C2CD3: variants seen among roughly 807,000 people sequenced by gnomAD.
The protein encoded by C2CD3 is C2 domain-containing protein 3.
In C2CD3, 148 loss-of-function variants were observed where a neutral mutation model predicts 234.0. That is an observed-to-expected ratio of 0.63 (90% CI 0.55 to 0.72). The LOEUF (loss-of-function observed/expected upper bound fraction) is 0.72. C2CD3 is among the 30% of genes least tolerant of loss of function. The pLI, the probability that C2CD3 is intolerant of heterozygous loss-of-function variation, is 0.00. For synonymous variants in C2CD3, 1,000 were observed against 1,035.4 expected (o/e 0.97, Z 0.66); for missense variants, 2,577 against 2,811.5 (o/e 0.92, Z 1.89).
At chr11:74,118,530 T>C in intron 8 of C2CD3, 148 bp from the exon 9 acceptor site, 1 of 560,056 alleles carries the variant, frequency 1.8e-6, no homozygotes, top group Non-Finnish European at 3.1e-6. Flanking sequence ...AATCCCATAT[T>C]TCTCCTGGTT....
chr11:74,035,704 T>G (rs932554842), intron 30 of C2CD3, among the ~76,000 whole-genome samples: 2 of 151,596 alleles, frequency 1.3e-5, no homozygotes, highest in Admixed American at 1.3e-4. Context: ...GGGCAGGCTT[T>G]TGCTGTTTTT....
chr11:74,026,768 G>A (rs1439315698), intron 32 of C2CD3, among the ~76,000 whole-genome samples: 1 of 151,976 alleles, frequency 6.6e-6, no homozygotes, highest in Non-Finnish European at 1.5e-5. Flanking sequence ...AAGAGATTGA[G>A]ACCATCCTGG....
At chr11:74,035,030 A>G (rs1255015118) in intron 30 of C2CD3, among the ~76,000 whole-genome samples, 1 of 152,252 alleles carries the variant, frequency 6.6e-6, no homozygotes, top group Non-Finnish European at 1.5e-5. Flanking sequence ...GAGTGAATCA[A>G]TTAATAAATA....
At position 74,034,183 on chromosome 11, in the gene C2CD3, C is replaced by A. The variant is rs537893955; in HGVS notation, c.5977G>T (p.Asp1993Tyr). 2 of 1,536,228 alleles carry A rather than the reference C, an allele frequency of 1.3e-6. No individual in the cohort carries two copies. Among genetic ancestry groups the A allele is most frequent in the Non-Finnish European group, 1.7e-6 (2 of 1,146,918 alleles). The change falls in exon 31 of 33, where the codon GAC (aspartate) becomes TAC (tyrosine). Residue 1993 changes from aspartate (D) to tyrosine (Y), a missense_variant. By Grantham distance (160) the Asp-to-Tyr change is radical. Transcript: ENST00000334126. ...CATCGTTCTTGCAGTGCTTCTGTGT[C>A]CTGAGCATCTGGGAGGGTGGTGGCC... ...NKATTLPDAQDTEALQERCTM... is the reference protein window; with the variant it reads ...NKATTLPDAQYTEALQERCTM...
intron 2 of C2CD3, chr11:74,164,314 C>A: frequency 1.2e-6 from 1 of 859,248 alleles, no homozygotes; most frequent in Non-Finnish European, 1.4e-6. Flanking sequence ...CTAGTAGTTC[C>A]ATGCTCCAAA....
intron 32 of C2CD3, among the ~76,000 whole-genome samples, chr11:74,023,545 T>C (rs1310107159): frequency 1.3e-5 from 2 of 152,216 alleles, no homozygotes; most frequent in East Asian, 3.8e-4. Flanking sequence ...TCCTGTCTGC[T>C]TTAGCACCCA....
At chr11:74,151,184 A>G (rs1287285141) in intron 3 of C2CD3, among the ~76,000 whole-genome samples, 1 of 152,156 alleles carries the variant, frequency 6.6e-6, no homozygotes, top group African/African-American at 2.4e-5. Flanking sequence ...TCGGCCTCCC[A>G]AAGTGCTGGG....
intron 9 of C2CD3, 34 bp downstream of exon 9, chr11:74,118,194 G>C (rs1437361290): frequency 6.3e-7 from 1 of 1,580,758 alleles, no homozygotes; most frequent in South Asian, 1.1e-5. Context: ...ATTCCTTTGT[G>C]TTTACCTTTA....
chr11:74,080,875 G>A (rs551283333), intron 22 of C2CD3, among the ~76,000 whole-genome samples: 1 of 152,200 alleles, frequency 6.6e-6, no homozygotes, highest in South Asian at 2.1e-4. Flanking sequence ...CATTACAGAT[G>A]AGGAAACCAT....
chr11:74,082,410 C>T (rs555207435), intron 22 of C2CD3, among the ~76,000 whole-genome samples: 19 of 152,126 alleles, frequency 1.2e-4, no homozygotes, highest in South Asian at 4.2e-4. Context: ...CCACTGTGCC[C>T]GGCTGACTGT....
At chr11:74,020,010 T>C (rs1437106297) in intron 32 of C2CD3, among the ~76,000 whole-genome samples, 5 of 152,216 alleles carry the variant, frequency 3.3e-5, no homozygotes, top group Admixed American at 2.0e-4. Context: ...CTCAAGGTTT[T>C]AAGGGTACCC....
intron 7 of C2CD3, among the ~76,000 whole-genome samples, chr11:74,127,848 C>A (rs1157585175): frequency 6.7e-6 from 1 of 150,320 alleles, no homozygotes; most frequent in Admixed American, 6.6e-5. Context: ...TGTCAAGCAT[C>A]TTTTCATGTG....
chr11:74,152,146 TAAAC>T (rs1855709089), intron 3 of C2CD3, among the ~76,000 whole-genome samples: 1 of 152,162 alleles, frequency 6.6e-6, no homozygotes, highest in African/African-American at 2.4e-5. Flanking sequence ...ATAAAATTGT[TAAAC>T]TTCTATCCAG....
chr11:74,086,565 T>C (rs1229624648), intron 20 of C2CD3, among the ~76,000 whole-genome samples: 3 of 152,216 alleles, frequency 2.0e-5, no homozygotes, highest in Non-Finnish European at 4.4e-5. Flanking sequence ...TGTCTGATGC[T>C]GATGTTCTGT....
rs531067176 is a variant in C2CD3 at position 74,094,094 on chromosome 11, C to T, written c.3161-95G>A. 14 of 996,178 alleles carry T rather than the reference C, an allele frequency of 1.4e-5. No homozygotes were observed. In the Admixed American group the frequency reaches 1.7e-4, roughly 12 times the overall value. The allele number at this position is 996,178 out of a possible 1,614,324, so 61.7% of individuals were successfully genotyped here. A position where few individuals can be genotyped will look rare whatever the true frequency, so the allele number is the denominator to read the frequency against. On this transcript the variant is annotated intron_variant, in intron 17 of 32. Coordinates refer to ENST00000334126, the MANE Select transcript of C2CD3 (RefSeq NM_001286577.2). The stretch of plus-strand genomic sequence containing the variant: ...TTCCAGTGAATATTACTTAGTAATT[C>T]CCTAGTAGTTATGGTTCCCTAAGGT...
intron 29 of C2CD3, among the ~76,000 whole-genome samples, chr11:74,041,462 C>T (rs1163138845): frequency 6.6e-6 from 1 of 152,046 alleles, no homozygotes; most frequent in Admixed American, 6.5e-5. Flanking sequence ...CTACTCTTGG[C>T]CAGGGAAATT....
chr11:74,098,226 T>C lies in C2CD3; in HGVS notation c.2762A>G (p.Asp921Gly), dbSNP rs769601754. The C allele has an allele frequency of 1.2e-6, 2 of 1,614,082 alleles. No homozygotes were observed. The highest frequency in any genetic ancestry group is 1.7e-6 in the Non-Finnish European group (2 of 1,179,956). Reference protein sequence around the residue: ...KDAKISRLLLDAQYPVVAVDS... With the variant: ...KDAKISRLLLGAQYPVVAVDS... Reference sequence around the variant, plus strand: ...GACAGCAACAACTGGGTACTGGGCATCCAGCAGCAGGCGAGAAATCTTAGC... The same window carrying C: ...GACAGCAACAACTGGGTACTGGGCACCCAGCAGCAGGCGAGAAATCTTAGC... The change falls in exon 16 of 33, where the codon GAT becomes GGT. Residue 921 changes from aspartate to glycine, a missense_variant. By Grantham distance (94) the Asp-to-Gly change is moderately conservative (BLOSUM62 -1). Transcript: ENST00000334126.
chr11:74,083,766 T>A lies in C2CD3; in HGVS notation c.4000+1115A>T, dbSNP rs180973028. ...AGATACCATCTCACACCAATTAGAA[T>A]GGAGATCATTAAAAAGTCAGGAAAC... On this transcript the variant is annotated intron_variant, in intron 22 of 32. Transcript: ENST00000334126. Among the ~76,000 whole-genome samples, 216 of 152,102 alleles carry A rather than the reference T, an allele frequency of 1.4e-3. 2 individuals are homozygous for A. Among genetic ancestry groups the A allele is most frequent in the African/African-American group, 4.0e-3 (168 of 41,486 alleles).
chr11:74,089,443 C>T (rs533965632), intron 20 of C2CD3, among the ~76,000 whole-genome samples: 2 of 152,176 alleles, frequency 1.3e-5, no homozygotes, highest in Admixed American at 6.5e-5. Context: ...AAAGAGTCTA[C>T]GTGGAGAATT....
Sources: allele counts gnomAD v4.1 joint callset (sites outside exome capture counted in the v4.1 genomes callset), GRCh38; gene constraint gnomAD v4.1.1; transcripts MANE v1.5; gene names NCBI Gene and HGNC (gene_info 2026-07-23, HGNC 2026-07-21).